SCAPER: variants seen among roughly 807,000 people sequenced by gnomAD.
SCAPER encodes S phase cyclin A-associated protein in the endoplasmic reticulum.
SCAPER carries 98 observed loss-of-function variants against 182.2 expected under a neutral mutation model. The ratio of observed to expected loss-of-function variants is 0.54; its 90% CI spans 0.46 to 0.64. The LOEUF (loss-of-function observed/expected upper bound fraction) is 0.64. Ranked by LOEUF, SCAPER falls within the 30% of genes least tolerant of loss-of-function variation. The pLI, the probability that SCAPER is intolerant of heterozygous loss-of-function variation, is 0.00. For missense variants in SCAPER, 1,432 were observed against 1,690.0 expected (o/e 0.85, Z 2.68); for synonymous variants, 605 against 564.6 (o/e 1.07, Z -1.01).
At chr15:76,696,581 A>T (rs1240216286) in intron 20 of SCAPER, among the ~76,000 whole-genome samples, 1 of 150,982 alleles carries the variant, frequency 6.6e-6, no homozygotes, top group African/African-American at 2.4e-5. Flanking sequence ...ATATTGATTT[A>T]AAATGGAAAA....
chr15:76,509,367 G>A (rs990728285), intron 23 of SCAPER, among the ~76,000 whole-genome samples: 5 of 152,042 alleles, frequency 3.3e-5, no homozygotes, highest in African/African-American at 7.2e-5. Context: ...ACCATGTCAG[G>A]ACCATGTCTA....
chr15:76,534,049 A>G (rs2043913574), intron 23 of SCAPER, among the ~76,000 whole-genome samples: 1 of 152,218 alleles, frequency 6.6e-6, no homozygotes. Flanking sequence ...TAAAAATTCT[A>G]TGCTATTCAT....
intron 25 of SCAPER, among the ~76,000 whole-genome samples, chr15:76,441,917 G>T (rs2047637964): frequency 6.6e-6 from 1 of 152,074 alleles, no homozygotes; most frequent in Non-Finnish European, 1.5e-5. Flanking sequence ...TGTAGTAGAT[G>T]TTCACTAAAT....
intron 1 of SCAPER, among the ~76,000 whole-genome samples, chr15:76,902,318 C>A (rs1568439774): frequency 6.6e-6 from 1 of 152,166 alleles, no homozygotes; most frequent in Admixed American, 6.5e-5. Context: ...GTAAAAGTCA[C>A]AAACAACAGG....
chr15:76,722,451 T>TA (rs1329776885), intron 17 of SCAPER, among the ~76,000 whole-genome samples: 2 of 152,236 alleles, frequency 1.3e-5, no homozygotes, highest in African/African-American at 4.8e-5. Flanking sequence ...TAAAATGAGT[T>TA]AGAGAGGATT....
chr15:76,426,701 C>A (rs1567115923), intron 26 of SCAPER, among the ~76,000 whole-genome samples: 1 of 151,100 alleles, frequency 6.6e-6, no homozygotes, highest in Non-Finnish European at 1.5e-5. Flanking sequence ...TCTTCACACA[C>A]AAAAAAAACA....
intron 5 of SCAPER, among the ~76,000 whole-genome samples, chr15:76,820,078 G>T (rs1030576906): frequency 6.6e-6 from 1 of 152,092 alleles, no homozygotes; most frequent in East Asian, 1.9e-4. Context: ...TCATTAAAAA[G>T]TCAGGAAACA....
At chr15:76,731,060 A>G (rs1321627591) in intron 16 of SCAPER, among the ~76,000 whole-genome samples, 1 of 152,198 alleles carries the variant, frequency 6.6e-6, no homozygotes, top group Non-Finnish European at 1.5e-5. Flanking sequence ...AAGACAGGAA[A>G]CTTTGTACCT....
At chr15:76,728,248 A>T (rs982576282) in intron 17 of SCAPER, among the ~76,000 whole-genome samples, 3 of 151,092 alleles carry the variant, frequency 2.0e-5, no homozygotes, top group Non-Finnish European at 4.4e-5. Flanking sequence ...CACTGCTGTG[A>T]CTCTTGTGAT....
intron 25 of SCAPER, among the ~76,000 whole-genome samples, chr15:76,435,406 GTCTA>G (rs1196144585): frequency 2.0e-5 from 3 of 151,968 alleles, no homozygotes; most frequent in Non-Finnish European, 2.9e-5. Flanking sequence ...ATCACTAATT[GTCTA>G]TCTTTTTTGT....
chr15:76,610,245 C>T (rs1400033990), intron 22 of SCAPER, among the ~76,000 whole-genome samples: 3 of 152,094 alleles, frequency 2.0e-5, no homozygotes, highest in Admixed American at 6.6e-5. Context: ...ACCCACCATC[C>T]TCTAAACCCT....
chr15:76,557,723 C>T (rs2046294241), intron 23 of SCAPER, among the ~76,000 whole-genome samples: 1 of 152,154 alleles, frequency 6.6e-6, no homozygotes, highest in Non-Finnish European at 1.5e-5. Flanking sequence ...GTTACCCAGT[C>T]TCAGTTATTT....
intron 5 of SCAPER, among the ~76,000 whole-genome samples, chr15:76,834,456 C>A (rs903972362): frequency 1.3e-5 from 2 of 151,974 alleles, no homozygotes; most frequent in Non-Finnish European, 2.9e-5. Context: ...AAAAAACACA[C>A]GGGCAAACCA....
At chr15:76,697,832 G>T (rs1464211230) in intron 20 of SCAPER, among the ~76,000 whole-genome samples, 3 of 151,982 alleles carry the variant, frequency 2.0e-5, no homozygotes, top group Non-Finnish European at 4.4e-5. Flanking sequence ...TAGAGACAGG[G>T]TTTCACCATG....
At chr15:76,893,391 T>C (rs2074263705) in intron 1 of SCAPER, among the ~76,000 whole-genome samples, 2 of 152,094 alleles carry the variant, frequency 1.3e-5, no homozygotes, top group East Asian at 3.8e-4. Flanking sequence ...CCGTTGTAGA[T>C]ATGTACGCAC....
At chr15:76,544,213 C>T (rs987346581) in intron 23 of SCAPER, among the ~76,000 whole-genome samples, 1 of 152,132 alleles carries the variant, frequency 6.6e-6, no homozygotes, top group Non-Finnish European at 1.5e-5. Context: ...TCACACACTG[C>T]TAATGAAAAT....
At chr15:76,640,500 T>G (rs1036572969) in intron 21 of SCAPER, among the ~76,000 whole-genome samples, 1 of 152,204 alleles carries the variant, frequency 6.6e-6, no homozygotes, top group African/African-American at 2.4e-5. Flanking sequence ...GGTGCTGAAG[T>G]TTTAGATGGT....
chr15:76,371,477 G>T (rs1290540812), intron 29 of SCAPER, among the ~76,000 whole-genome samples: 1 of 151,716 alleles, frequency 6.6e-6, no homozygotes, highest in South Asian at 2.1e-4. Flanking sequence ...GTGCCACCAC[G>T]CTCGGCTAAT....
At chr15:76,508,323 C>T (rs1489745183) in intron 23 of SCAPER, among the ~76,000 whole-genome samples, 2 of 152,066 alleles carry the variant, frequency 1.3e-5, no homozygotes, top group Admixed American at 1.3e-4. Context: ...TGCTGGTTGA[C>T]ATTTAGCTTG....
Sources: allele counts gnomAD v4.1 joint callset (sites outside exome capture counted in the v4.1 genomes callset), GRCh38; gene constraint gnomAD v4.1.1; transcripts MANE v1.5; gene names NCBI Gene and HGNC (gene_info 2026-07-23, HGNC 2026-07-21).